The following OTX2 variants were observed in gnomAD, a reference collection of about 807,000 sequenced individuals.
The protein encoded by OTX2 is homeobox protein OTX2.
In OTX2, 4 loss-of-function variants were observed where a neutral mutation model predicts 29.0. That is an observed-to-expected ratio of 0.14 (90% CI 0.07 to 0.32). The LOEUF (loss-of-function observed/expected upper bound fraction) is 0.32. OTX2 is among the 10% of genes least tolerant of loss of function. The pLI is 1.00. For synonymous variants in OTX2, 134 were observed against 141.0 expected (o/e 0.95, Z 0.35); for missense variants, 298 against 365.9 (o/e 0.81, Z 1.51).
chr14:56,803,906 G>T (rs1043508697), intron 4 of OTX2, among the ~76,000 whole-genome samples: 1 of 151,820 alleles, frequency 6.6e-6, no homozygotes, highest in Non-Finnish European at 1.5e-5. Context: ...CTATACAGAG[G>T]AAGGGAAGGG....
chr14:56,801,201 T>C lies in OTX2; in HGVS notation c.*534A>G. On this transcript the variant is annotated 3_prime_UTR_variant, in exon 5 of 5. Transcript: ENST00000672264. This position sits in a 1 kb window ranked among gnomAD's most constrained non-coding sequence, Gnocchi z 4.2. ...TCTCTTAAACTACATATTGACTCCT[T>C]ATGAACATTATTTTTTAAATAAAGT... 1 of 186,286 alleles carries C rather than the reference T, an allele frequency of 5.4e-6. No individual in the cohort carries two copies. The highest frequency in any genetic ancestry group is 1.1e-5 in the Non-Finnish European group (1 of 87,412). The allele number at this position is 186,286 out of a possible 1,614,324, so 11.5% of individuals were successfully genotyped here.
rs1891938038 is a variant in OTX2, at chr14:56,802,749, G to C, written c.274-394C>G. ...CTGTCTTTTGGAGGGAAATACATGA[G>C]AAGTGAGAGAAAGCAATTCTGTTGT... is the stretch of plus-strand genomic sequence containing the variant. On this transcript the variant is annotated intron_variant, in intron 4 of 4. Coordinates refer to ENST00000672264, the MANE Select transcript of OTX2 (RefSeq NM_021728.4). This position sits in a 1 kb window ranked among gnomAD's most constrained non-coding sequence, Gnocchi z 4.4. Among the ~76,000 whole-genome samples the C allele has an allele frequency of 6.6e-6, 1 of 152,160 alleles. No homozygotes were observed. The highest frequency in any genetic ancestry group is 1.5e-5 in the Non-Finnish European group (1 of 68,026).
Position 56,804,143 on chromosome 14 carries a change from G to GT in OTX2, c.273+44_273+45insA. The GT allele has an allele frequency of 6.2e-7, 1 of 1,607,064 alleles. No individual in the cohort carries two copies. Among genetic ancestry groups the GT allele is most frequent in the East Asian group, 2.2e-5 (1 of 44,838 alleles). ...CTCTCCACAGTCCCATACTCGGGAA[G>GT]GGTGGCATGATCAGGAAGGATGGTT... On this transcript the variant is annotated intron_variant, in intron 4 of 4. Coordinates refer to ENST00000672264, the MANE Select transcript of OTX2 (RefSeq NM_021728.4). This position sits in a 1 kb window ranked among gnomAD's most constrained non-coding sequence, Gnocchi z 4.1.
intron 4 of OTX2, among the ~76,000 whole-genome samples, chr14:56,803,846 GAGCTA>G (rs1891978600): frequency 6.6e-6 from 1 of 152,136 alleles, no homozygotes; most frequent in Admixed American, 6.5e-5. Flanking sequence ...GACTGTCCAA[GAGCTA>G]AGCTGCTTTC....
At position 56,801,522 on chromosome 14, in the gene OTX2, CA is replaced by C; in HGVS notation, c.*212del. The C allele has an allele frequency of 1.7e-6, 1 of 599,214 alleles. No homozygotes were observed. The allele number at this position is 599,214 out of a possible 1,614,324, so 37.1% of individuals were successfully genotyped here. On this transcript the variant is annotated 3_prime_UTR_variant, in exon 5 of 5. Coordinates refer to ENST00000672264, the MANE Select transcript of OTX2 (RefSeq NM_021728.4). This position sits in a 1 kb window ranked among gnomAD's most constrained non-coding sequence, Gnocchi z 4.2. ...GATAACCAATGATCTAAAACTATGA[CA>C]GGATCTTAAGCAGATTGGTTTGTCC...
At chr14:56,807,810 G>T (rs1048888490) in intron 2 of OTX2, among the ~76,000 whole-genome samples, 1 of 152,224 alleles carries the variant, frequency 6.6e-6, no homozygotes, top group African/African-American at 2.4e-5. Flanking sequence ...ACGGGGAAAA[G>T]AAATAACTTT....
At chr14:56,809,246 G>T (rs1892194291) in intron 2 of OTX2, among the ~76,000 whole-genome samples, 1 of 152,214 alleles carries the variant, frequency 6.6e-6, no homozygotes, top group African/African-American at 2.4e-5. Context: ...CCCGCCCCAG[G>T]TGCGCGCGGA....
At chr14:56,803,500 T>A (rs1335327003) in intron 4 of OTX2, among the ~76,000 whole-genome samples, 1 of 152,240 alleles carries the variant, frequency 6.6e-6, no homozygotes, top group Non-Finnish European at 1.5e-5. Flanking sequence ...GGTGTGTATG[T>A]GGTTTATGTG....
intron 2 of OTX2, among the ~76,000 whole-genome samples, chr14:56,808,779 C>G (rs2139544487): frequency 6.6e-6 from 1 of 152,322 alleles, no homozygotes; most frequent in East Asian, 1.9e-4. Context: ...GGGTCGGCGC[C>G]GCTCGGCCTT....
chr14:56,807,411 T>C (rs1344059659), intron 2 of OTX2, among the ~76,000 whole-genome samples: 2 of 152,182 alleles, frequency 1.3e-5, no homozygotes, highest in Non-Finnish European at 2.9e-5. Flanking sequence ...TACAGTGCTA[T>C]AGAGAATCGT....
At position 56,802,442 on chromosome 14, in the gene OTX2, T is replaced by C. The variant is rs1594953058; in HGVS notation, c.274-87A>G. The C allele has an allele frequency of 4.2e-6, 6 of 1,426,258 alleles. No individual in the cohort carries two copies. The highest frequency in any genetic ancestry group is 5.9e-6 in the Non-Finnish European group (6 of 1,017,768). The allele number at this position is 1,426,258 out of a possible 1,614,324, so 88.4% of individuals were successfully genotyped here. A position where few individuals can be genotyped will look rare whatever the true frequency, so the allele number is the denominator to read the frequency against. On this transcript the variant is annotated intron_variant, in intron 4 of 4. Transcript: ENST00000672264. This position sits in a 1 kb window ranked among gnomAD's most constrained non-coding sequence, Gnocchi z 4.4. ...TCCCGTATTATAAATCTATCCTACA[T>C]GGGCAGATCAGCTAAACACACAATT...
chr14:56,801,743 C>T lies in OTX2; in HGVS notation c.886G>A (p.Val296Ile). 6.2e-7 allele frequency: 1 copy of T among 1,613,964 alleles called. No homozygotes were observed. Among genetic ancestry groups the T allele is most frequent in the Non-Finnish European group, 8.5e-7 (1 of 1,180,026 alleles). The change falls in exon 5 of 5, where the codon GTT becomes ATT. Residue 296 changes from valine (V) to isoleucine (I), a missense_variant. Physicochemically the swap from Val to Ile is conservative, Grantham distance 29 (BLOSUM62 3). Coordinates refer to ENST00000672264, the MANE Select transcript of OTX2 (RefSeq NM_021728.4). This position sits in a 1 kb window ranked among gnomAD's most constrained non-coding sequence, Gnocchi z 4.2. ...KDQTSSWKFQ[V>I]L Reference sequence around the variant, plus strand: ...AGAGGTTCTACAGGTCTTCACAAAACCTGGAATTTCCACGAGGATGTCTGA... The same window carrying T: ...AGAGGTTCTACAGGTCTTCACAAAATCTGGAATTTCCACGAGGATGTCTGA...
In OTX2 at chr14:56,810,393, T is replaced by A. The variant is rs1594960374; in HGVS notation, c.-201A>T. ...ATACATACAAAGTAGATGTGGCGAGTGAGGGCTGCTCTAGCAATTTTTATT... is the reference window on the plus strand; with the variant it reads ...ATACATACAAAGTAGATGTGGCGAGAGAGGGCTGCTCTAGCAATTTTTATT... On this transcript the variant is annotated 5_prime_UTR_variant, in exon 1 of 5. Transcript: ENST00000672264. 6.6e-6 allele frequency: 1 copy of A among 151,834 alleles called. No individual in the cohort carries two copies. The highest frequency in any genetic ancestry group is 1.5e-5 in the Non-Finnish European group (1 of 67,994). The allele number at this position is 151,834 out of a possible 1,614,324, so 9.4% of individuals were successfully genotyped here.
chr14:56,809,671 A>G (rs1594959697), intron 2 of OTX2, among the ~76,000 whole-genome samples: 1 of 152,280 alleles, frequency 6.6e-6, no homozygotes, highest in South Asian at 2.1e-4. Context: ...GGGCCCAAGG[A>G]GGCGCCTGGC....
chr14:56,807,254 C>T (rs1892119083), intron 2 of OTX2, among the ~76,000 whole-genome samples: 1 of 151,922 alleles, frequency 6.6e-6, no homozygotes, highest in African/African-American at 2.4e-5. Context: ...TTGGAGGCTG[C>T]GAAAATAAAC....
In OTX2 at chr14:56,805,567, G is replaced by T. The variant is rs1892059218; in HGVS notation, c.-111C>A. 2 of 723,272 alleles carry T rather than the reference G, an allele frequency of 2.8e-6. No individual in the cohort carries two copies. The highest frequency in any genetic ancestry group is 1.5e-5 in the South Asian group (1 of 67,522). The allele number at this position is 723,272 out of a possible 1,614,324, so 44.8% of individuals were successfully genotyped here. A position where few individuals can be genotyped will look rare whatever the true frequency, so the allele number is the denominator to read the frequency against. ...AGAGTCCTTGGTGGGTGGGTTTGGA[G>T]CAGTGGAACTAAGGGCAAAGCAAAC... On this transcript the variant is annotated 5_prime_UTR_variant, in exon 3 of 5. Coordinates refer to ENST00000672264, the MANE Select transcript of OTX2 (RefSeq NM_021728.4).
intron 2 of OTX2, among the ~76,000 whole-genome samples, chr14:56,807,667 G>T (rs1036444217): frequency 1.3e-5 from 2 of 152,174 alleles, no homozygotes; most frequent in Non-Finnish European, 2.9e-5. Flanking sequence ...ACCTTTAAAA[G>T]GAAAAGAGGA....
chr14:56,801,596 C>T lies in OTX2; in HGVS notation c.*139G>A. 1 of 992,498 alleles carries T rather than the reference C, an allele frequency of 1.0e-6. No homozygotes were observed. The highest frequency in any genetic ancestry group is 1.6e-6 in the Non-Finnish European group (1 of 639,742). The allele number at this position is 992,498 out of a possible 1,614,324, so 61.5% of individuals were successfully genotyped here. On this transcript the variant is annotated 3_prime_UTR_variant, in exon 5 of 5. Coordinates refer to ENST00000672264, the MANE Select transcript of OTX2 (RefSeq NM_021728.4). The surrounding 1 kb of genome is among the most constrained non-coding windows in gnomAD (Gnocchi z 4.2). ...GCCCCTCTAAGGCCCTTCGTTTTTC[C>T]TTCTATGCCTCTCGGAACTTTGATC... is the stretch of plus-strand genomic sequence containing the variant.
At position 56,805,378 on chromosome 14, in the gene OTX2, G is replaced by A. The variant is rs1259224286; in HGVS notation, c.79C>T (p.Pro27Ser). The change falls in exon 3 of 5, where the codon CCC becomes TCC. Residue 27 changes from proline (P) to serine (S), a missense_variant. Coordinates refer to ENST00000672264, the MANE Select transcript of OTX2 (RefSeq NM_021728.4). ...LTTSGMDLLHPSVGYPGPWAS... is the reference protein window; with the variant it reads ...LTTSGMDLLHSSVGYPGPWAS... ...CACTTACCCGGGTAGCCCACGGAGGGGTGCAGCAAGTCCATACCCGAAGTG... is the reference window on the plus strand; with the variant it reads ...CACTTACCCGGGTAGCCCACGGAGGAGTGCAGCAAGTCCATACCCGAAGTG... The A allele has an allele frequency of 6.2e-7, 1 of 1,612,870 alleles. No individual in the cohort carries two copies. Among genetic ancestry groups the A allele is most frequent in the African/African-American group, 1.3e-5 (1 of 74,896 alleles).
Sources: allele counts gnomAD v4.1 joint callset (sites outside exome capture counted in the v4.1 genomes callset), GRCh38; gene constraint gnomAD v4.1.1; non-coding constraint Gnocchi (gnomAD v3.1); transcripts MANE v1.5; gene names NCBI Gene and HGNC (gene_info 2026-07-23, HGNC 2026-07-21).